Variants in LHFPL3 observed in about 807,000 individuals in gnomAD.
The protein encoded by LHFPL3 is LHFPL tetraspan subfamily member 3 protein.
A neutral mutation model predicts 19.3 loss-of-function variants in LHFPL3; 5 were observed. The observed-to-expected ratio is 0.26, with a 90% CI of 0.14 to 0.54. LHFPL3 has a LOEUF of 0.54. Ranked by LOEUF, LHFPL3 falls within the 20% of genes least tolerant of loss-of-function variation. The pLI is 0.94. For synonymous variants in LHFPL3, 133 were observed against 126.2 expected (o/e 1.05, Z -0.36); for missense variants, 249 against 307.4 (o/e 0.81, Z 1.42).
chr7:104,755,745 G>A (rs1303271685), intron 2 of LHFPL3, among the ~76,000 whole-genome samples: 1 of 152,170 alleles, frequency 6.6e-6, no homozygotes, highest in African/African-American at 2.4e-5. Context: ...GCCCAGGCTG[G>A]AGTGCAATGG....
At chr7:104,542,154 G>A (rs1379824814) in intron 1 of LHFPL3, among the ~76,000 whole-genome samples, 1 of 152,068 alleles carries the variant, frequency 6.6e-6, no homozygotes. Context: ...ACTGAGAGCA[G>A]CAGAAATGAC....
At chr7:104,641,441 G>T (rs1387732084) in intron 1 of LHFPL3, among the ~76,000 whole-genome samples, 1 of 152,210 alleles carries the variant, frequency 6.6e-6, no homozygotes, top group Non-Finnish European at 1.5e-5. Context: ...TATGAGAAAG[G>T]ATCTGACCGA....
chr7:104,649,943 C>T (rs1562958013), intron 1 of LHFPL3, among the ~76,000 whole-genome samples: 1 of 152,180 alleles, frequency 6.6e-6, no homozygotes, highest in Admixed American at 6.5e-5. Flanking sequence ...GATCTACTGA[C>T]TAGAAATCTG....
At chr7:104,426,419 G>A (rs1035739059) in intron 1 of LHFPL3, among the ~76,000 whole-genome samples, 2 of 152,078 alleles carry the variant, frequency 1.3e-5, no homozygotes, top group Non-Finnish European at 2.9e-5. Context: ...ACCACGCCCA[G>A]CTAATTTTGT....
intron 1 of LHFPL3, among the ~76,000 whole-genome samples, chr7:104,342,191 A>G (rs1789970978): frequency 6.6e-6 from 1 of 151,824 alleles, no homozygotes; most frequent in Admixed American, 6.6e-5. Context: ...GGATAATTCA[A>G]AAGAAATTGA....
At chr7:104,814,082 G>A (rs1341617892) in intron 2 of LHFPL3, among the ~76,000 whole-genome samples, 1 of 152,194 alleles carries the variant, frequency 6.6e-6, no homozygotes, top group Non-Finnish European at 1.5e-5. Context: ...CTGAGCAATA[G>A]AACAGCTCAG....
intron 1 of LHFPL3, among the ~76,000 whole-genome samples, chr7:104,409,009 C>T (rs868403365): frequency 3.3e-5 from 5 of 149,854 alleles, no homozygotes; most frequent in East Asian, 2.0e-4. Context: ...GGACTACAGG[C>T]GCCTGCCACC....
At chr7:104,553,268 G>C (rs1229914138) in intron 1 of LHFPL3, among the ~76,000 whole-genome samples, 1 of 152,080 alleles carries the variant, frequency 6.6e-6, no homozygotes, top group African/African-American at 2.4e-5. Flanking sequence ...ATTGAAGCCA[G>C]GATTTGGCCT....
intron 1 of LHFPL3, among the ~76,000 whole-genome samples, chr7:104,717,372 T>C (rs1793406454): frequency 6.6e-6 from 1 of 152,166 alleles, no homozygotes; most frequent in Non-Finnish European, 1.5e-5. Flanking sequence ...TAAGGCAACC[T>C]ATGGCATGGG....
At chr7:104,617,611 T>C (rs1468661420) in intron 1 of LHFPL3, among the ~76,000 whole-genome samples, 2 of 152,234 alleles carry the variant, frequency 1.3e-5, no homozygotes, top group South Asian at 4.1e-4. Context: ...TGTTCAGATA[T>C]TTCCAGATGC....
intron 1 of LHFPL3, among the ~76,000 whole-genome samples, chr7:104,381,698 G>T: frequency 6.6e-6 from 1 of 152,160 alleles, no homozygotes; most frequent in Non-Finnish European, 1.5e-5. Flanking sequence ...GGCAACTTAG[G>T]ATTGTGACTT....
chr7:104,838,105 T>A (rs961526236), intron 2 of LHFPL3, among the ~76,000 whole-genome samples: 2 of 152,210 alleles, frequency 1.3e-5, no homozygotes, highest in African/African-American at 4.8e-5. Flanking sequence ...CTTACCTCAA[T>A]GACCCTGGCC....
chr7:104,349,204 C>T (rs1226808697), intron 1 of LHFPL3, among the ~76,000 whole-genome samples: 4 of 152,160 alleles, frequency 2.6e-5, no homozygotes, highest in Non-Finnish European at 5.9e-5. Context: ...ATTCAAGTCT[C>T]CTTCAAAATA....
chr7:104,866,257 T>G (rs1038342478), intron 2 of LHFPL3, among the ~76,000 whole-genome samples: 1 of 152,124 alleles, frequency 6.6e-6, no homozygotes, highest in Non-Finnish European at 1.5e-5. Context: ...GGCTAAATGC[T>G]CCAATTAAAA....
intron 2 of LHFPL3, chr7:104,752,747 C>T: frequency 2.5e-6 from 1 of 396,646 alleles, no homozygotes. Flanking sequence ...CTCGGGATCT[C>T]TCGTCGACTT....
chr7:104,448,733 G>C (rs924155205), intron 1 of LHFPL3, among the ~76,000 whole-genome samples: 2 of 152,192 alleles, frequency 1.3e-5, no homozygotes, highest in Non-Finnish European at 2.9e-5. Context: ...ACAGGACACA[G>C]CACTCCATGA....
At chr7:104,685,218 A>G (rs1215453612) in intron 1 of LHFPL3, among the ~76,000 whole-genome samples, 3 of 152,146 alleles carry the variant, frequency 2.0e-5, no homozygotes, top group East Asian at 1.9e-4. Context: ...ATGGTGGCAC[A>G]TGCCTGTAGT....
chr7:104,645,902 T>C (rs1206022024), intron 1 of LHFPL3, among the ~76,000 whole-genome samples: 1 of 152,030 alleles, frequency 6.6e-6, no homozygotes, highest in Admixed American at 6.6e-5. Flanking sequence ...CCTCATGATC[T>C]GCCCGCCTCG....
At chr7:104,880,099 C>T (rs745332976) in intron 2 of LHFPL3, among the ~76,000 whole-genome samples, 1 of 151,908 alleles carries the variant, frequency 6.6e-6, no homozygotes, top group Non-Finnish European at 1.5e-5. Flanking sequence ...ATATCTGTCC[C>T]CTCTAAATCT....
Sources: allele counts gnomAD v4.1 joint callset (sites outside exome capture counted in the v4.1 genomes callset), GRCh38; gene constraint gnomAD v4.1.1; transcripts MANE v1.5; gene names NCBI Gene and HGNC (gene_info 2026-07-23, HGNC 2026-07-21).